ITPKB: variants seen among roughly 807,000 people sequenced by gnomAD.
ITPKB encodes the protein inositol-trisphosphate 3-kinase B.
ITPKB carries 13 observed loss-of-function variants against 69.4 expected under a neutral mutation model. That is an observed-to-expected ratio of 0.19 (90% confidence interval 0.12 to 0.30). The LOEUF (loss-of-function observed/expected upper bound fraction) is 0.30, where lower values mean the gene tolerates loss of function less well. ITPKB is among the 10% of genes least tolerant of loss of function. The probability of loss-of-function intolerance (pLI) is 1.00; values close to 1 mark genes in which losing one functional copy is unlikely to be tolerated. For synonymous variants in ITPKB, 584 were observed against 513.7 expected (o/e 1.14, Z -1.85); for missense variants, 1,240 against 1,250.5 (o/e 0.99, Z 0.13).
chr1:226,649,301 ATGTG>A (rs1387374884), intron 2 of ITPKB, among the ~76,000 whole-genome samples: 3 of 145,678 alleles, frequency 2.1e-5, no homozygotes. Context: ...GTGTGTGTGC[ATGTG>A]TGTGTGCATA....
intron 2 of ITPKB, among the ~76,000 whole-genome samples, chr1:226,663,294 C>T (rs1398679512): frequency 3.3e-5 from 5 of 152,130 alleles, no homozygotes; most frequent in African/African-American, 7.2e-5. Context: ...GCACCAGTCT[C>T]GCCTCCTATT....
intron 2 of ITPKB, among the ~76,000 whole-genome samples, chr1:226,720,806 C>G (rs28682397): frequency 0.15 from 23,297 of 151,740 alleles, 1,906 homozygotes; most frequent in East Asian, 0.31. Context: ...AATCCCAGCA[C>G]TTTGGGAGGC....
chr1:226,635,340 C>G (rs555206251), intron 7 of ITPKB, among the ~76,000 whole-genome samples: 1 of 152,190 alleles, frequency 6.6e-6, no homozygotes, highest in Non-Finnish European at 1.5e-5. Flanking sequence ...CCCACCACAG[C>G]CTCCCGAGTA....
rs1176367648 is a variant in ITPKB, at chr1:226,650,834, T to C, written c.1933-2063A>G. 2.0e-5 allele frequency among the ~76,000 whole-genome samples: 3 copies of C among 152,190 alleles called. No individual in the cohort carries two copies. The East Asian group carries it at 5.8e-4, about 29-fold the overall frequency. ...TTCACAGTCCCTCCTGGGGCCTCAGTTTCCTGTGTCCGGTGAGGGACAGAC... is the reference window on the plus strand; with the variant it reads ...TTCACAGTCCCTCCTGGGGCCTCAGCTTCCTGTGTCCGGTGAGGGACAGAC... On this transcript the variant is annotated intron_variant, in intron 2 of 7. Transcript: ENST00000429204.
At position 226,637,488 on chromosome 1, in the gene ITPKB, C is replaced by T. The variant is rs1668862627; in HGVS notation, c.2625+191G>A. Reference sequence around the variant, plus strand: ...CAATAGCCAGGGGTCTCAGGCAGGACAGCCCGTGTGGTCACCCCAGGAAGC... The same window carrying T: ...CAATAGCCAGGGGTCTCAGGCAGGATAGCCCGTGTGGTCACCCCAGGAAGC... On this transcript the variant is annotated intron_variant, in intron 7 of 7. Coordinates refer to ENST00000429204, the MANE Select transcript of ITPKB (RefSeq NM_002221.4). The surrounding 1 kb of genome is among the most constrained non-coding windows in gnomAD (Gnocchi z 4.3). Among the ~76,000 whole-genome samples the T allele has an allele frequency of 6.6e-6, 1 of 152,344 alleles. No individual in the cohort carries two copies. Among genetic ancestry groups the T allele is most frequent in the South Asian group, 2.1e-4 (1 of 4,822 alleles).
chr1:226,714,555 C>T (rs1244478974), intron 2 of ITPKB, among the ~76,000 whole-genome samples: 1 of 152,224 alleles, frequency 6.6e-6, no homozygotes, highest in Non-Finnish European at 1.5e-5. Flanking sequence ...AGAAAACTAC[C>T]TGTCATCCTC....
At chr1:226,729,520 G>A (rs1470874517) in intron 2 of ITPKB, among the ~76,000 whole-genome samples, 1 of 149,000 alleles carries the variant, frequency 6.7e-6, no homozygotes. Flanking sequence ...TCTAAAGCCT[G>A]TCCCAGACCC....
chr1:226,724,546 A>G (rs984716217), intron 2 of ITPKB, among the ~76,000 whole-genome samples: 2 of 152,182 alleles, frequency 1.3e-5, no homozygotes, highest in African/African-American at 4.8e-5. Flanking sequence ...TACCTTGTTT[A>G]AGGCTCACAG....
At chr1:226,662,598 CAA>C (rs1669421591) in intron 2 of ITPKB, among the ~76,000 whole-genome samples, 1 of 152,112 alleles carries the variant, frequency 6.6e-6, no homozygotes, top group South Asian at 2.1e-4. Flanking sequence ...TCTGGGAATG[CAA>C]AAAAGACCTT....
chr1:226,649,541 C>T (rs533878837), intron 2 of ITPKB, among the ~76,000 whole-genome samples: 31 of 148,756 alleles, frequency 2.1e-4, no homozygotes, highest in Non-Finnish European at 3.3e-4. Context: ...CATGTGTGTG[C>T]ATGCGTGTGT....
chr1:226,637,872 A>G lies in ITPKB; in HGVS notation c.2554-122T>C, dbSNP rs1257669301. On this transcript the variant is annotated intron_variant, in intron 6 of 7. Coordinates refer to ENST00000429204, the MANE Select transcript of ITPKB (RefSeq NM_002221.4). This position sits in a 1 kb window ranked among gnomAD's most constrained non-coding sequence, Gnocchi z 4.3. ...GCTTTACCCTAAACGCCGGACATCTAGAGGCAGCTTCCTGCGAGCAGGGCT... is the reference window on the plus strand; with the variant it reads ...GCTTTACCCTAAACGCCGGACATCTGGAGGCAGCTTCCTGCGAGCAGGGCT... The G allele has an allele frequency of 5.6e-6, 4 of 715,646 alleles. No homozygotes were observed. Among genetic ancestry groups the G allele is most frequent in the Non-Finnish European group, 9.9e-6 (4 of 402,396 alleles). 44.3% of individuals were successfully genotyped at this position (715,646 alleles called of 1,614,324 possible). A position where few individuals can be genotyped will look rare whatever the true frequency, so the allele number is the denominator to read the frequency against.
rs1668875767 is a variant in ITPKB, at chr1:226,637,995, C to T, written c.2554-245G>A. Among the ~76,000 whole-genome samples, 1 of 152,246 alleles carries T rather than the reference C, an allele frequency of 6.6e-6. No homozygotes were observed. Among genetic ancestry groups the T allele is most frequent in the Non-Finnish European group, 1.5e-5 (1 of 68,048 alleles). ...CAAATATCTCTCCCAGTGCCCTCTC[C>T]ATGGAGCCCTATAAACCCATGTCAA... is the stretch of plus-strand genomic sequence containing the variant. On this transcript the variant is annotated intron_variant, in intron 6 of 7. Coordinates refer to ENST00000429204, the MANE Select transcript of ITPKB (RefSeq NM_002221.4). The surrounding 1 kb of genome is among the most constrained non-coding windows in gnomAD (Gnocchi z 4.3).
At chr1:226,654,298 C>G (rs1285072923) in intron 2 of ITPKB, among the ~76,000 whole-genome samples, 1 of 152,126 alleles carries the variant, frequency 6.6e-6, no homozygotes, top group Non-Finnish European at 1.5e-5. Flanking sequence ...GCGAAGGGAG[C>G]TTGAGGAGCC....
At position 226,736,949 on chromosome 1, in the gene ITPKB, G is replaced by A; in HGVS notation, c.510C>T (p.Gly170=). ...AIQAPRSPRL[G]RARSPSPCPF... is the part of the protein sequence containing the mutation. ...GGCACGGGGAGGGCGAGCGAGCCCT[G>A]CCCAAACGCGGGCTGCGGGGCGCTT... Residue 170 remains glycine (G), a synonymous_variant, in exon 2 of 8, where the codon GGC becomes GGT. Coordinates refer to ENST00000429204, the MANE Select transcript of ITPKB (RefSeq NM_002221.4). The A allele has an allele frequency of 6.2e-7, 1 of 1,611,676 alleles. No homozygotes were observed. Among genetic ancestry groups the A allele is most frequent in the Non-Finnish European group, 8.5e-7 (1 of 1,179,968 alleles).
Position 226,735,893 on chromosome 1 carries a change from A to T in ITPKB, c.1566T>A (p.Arg522=). ...TCCCCTCTGATTGCACCCCTGTGCCACGCGTCCAAGCCAAACCGGCTTTCT... is the reference window on the plus strand; with the variant it reads ...TCCCCTCTGATTGCACCCCTGTGCCTCGCGTCCAAGCCAAACCGGCTTTCT... ...TMEKAGLAWT[R]GTGVQSEGTW... Residue 522 remains arginine, a synonymous_variant, in exon 2 of 8, where the codon CGT becomes CGA. Transcript: ENST00000429204. 6.2e-7 allele frequency: 1 copy of T among 1,612,626 alleles called. No homozygotes were observed. Among genetic ancestry groups the T allele is most frequent in the Non-Finnish European group, 8.5e-7 (1 of 1,178,880 alleles).
chr1:226,715,895 C>T (rs1294001337), intron 2 of ITPKB, among the ~76,000 whole-genome samples: 1 of 152,200 alleles, frequency 6.6e-6, no homozygotes, highest in Non-Finnish European at 1.5e-5. Flanking sequence ...ACTGAAACCT[C>T]CGCCTCCCAG....
chr1:226,734,614 T>C (rs532214192), intron 2 of ITPKB, among the ~76,000 whole-genome samples: 1 of 152,286 alleles, frequency 6.6e-6, no homozygotes, highest in Admixed American at 6.5e-5. Context: ...AGTGCTAGCT[T>C]CAACTCCTAT....
chr1:226,635,233 T>G (rs1668806828), intron 7 of ITPKB, among the ~76,000 whole-genome samples: 1 of 151,968 alleles, frequency 6.6e-6, no homozygotes, highest in Non-Finnish European at 1.5e-5. Flanking sequence ...CTTCCTTCCT[T>G]CCTTCCAGAC....
chr1:226,711,442 A>AGAGAGAGAGAGTGT (rs1491474441), intron 2 of ITPKB, among the ~76,000 whole-genome samples: 2 of 102,290 alleles, frequency 2.0e-5, no homozygotes, highest in African/African-American at 8.2e-5. Context: ...AGAGAGAGAG[A>AGAGAGAGAGAGTGT]GTGTGTGTGT....
Sources: gnomAD v4.1 joint callset for allele counts (sites outside exome capture counted in the v4.1 genomes callset) on GRCh38, gnomAD v4.1.1 for gene constraint, Gnocchi (gnomAD v3.1) non-coding constraint, MANE v1.5 for transcripts, NCBI Gene and HGNC (gene_info 2026-07-23, HGNC 2026-07-21) for gene names.